The following INSR variants were observed in gnomAD, a reference collection of about 807,000 sequenced individuals.
INSR encodes the protein insulin receptor.
INSR carries 67 observed loss-of-function variants against 142.6 expected under a neutral mutation model. The ratio of observed to expected loss-of-function variants is 0.47; its 90% CI spans 0.39 to 0.58. The LOEUF (loss-of-function observed/expected upper bound fraction) is 0.58. Ranked by LOEUF, INSR falls within the 20% of genes least tolerant of loss-of-function variation. The pLI is 0.00. For synonymous variants in INSR, 756 were observed against 743.1 expected (o/e 1.02, Z -0.28); for missense variants, 1,248 against 1,833.2 (o/e 0.68, Z 5.83).
At chr19:7,161,110 G>T (rs889949814) in intron 9 of INSR, among the ~76,000 whole-genome samples, 2 of 149,014 alleles carry the variant, frequency 1.3e-5, no homozygotes, top group African/African-American at 4.9e-5. Context: ...GGTCTATTAA[G>T]TAAACAAGAT....
chr19:7,229,221 T>C (rs1670451912), intron 2 of INSR, among the ~76,000 whole-genome samples: 4 of 54,840 alleles, frequency 7.3e-5, no homozygotes, highest in African/African-American at 2.6e-4. Flanking sequence ...GGATGGATAA[T>C]AGATGGTGGG....
intron 13 of INSR, among the ~76,000 whole-genome samples, chr19:7,138,504 A>G (rs1156488219): frequency 1.4e-4 from 21 of 151,838 alleles, no homozygotes; most frequent in Admixed American, 1.3e-3. Flanking sequence ...TCCCAAGTAG[A>G]TGGGACTACA....
At chr19:7,252,467 G>A (rs1260072554) in intron 2 of INSR, among the ~76,000 whole-genome samples, 1 of 152,090 alleles carries the variant, frequency 6.6e-6, no homozygotes, top group Non-Finnish European at 1.5e-5. Flanking sequence ...CCGTCTGCTA[G>A]GTTAGTCAAT....
At chr19:7,214,548 G>T (rs1975372827) in intron 2 of INSR, among the ~76,000 whole-genome samples, 1 of 152,166 alleles carries the variant, frequency 6.6e-6, no homozygotes, top group Non-Finnish European at 1.5e-5. Flanking sequence ...CTGCTGGTGG[G>T]CTGGTTGTCC....
intron 1 of INSR, among the ~76,000 whole-genome samples, chr19:7,271,003 A>G (rs1257364621): frequency 6.6e-6 from 1 of 151,566 alleles, no homozygotes; most frequent in Non-Finnish European, 1.5e-5. Flanking sequence ...CGGAGCTTGC[A>G]GTGAGCCGAG....
intron 13 of INSR, among the ~76,000 whole-genome samples, chr19:7,139,178 G>A (rs1973008826): frequency 1.3e-5 from 2 of 152,212 alleles, no homozygotes; most frequent in Admixed American, 6.5e-5. Flanking sequence ...CCATGTGAAT[G>A]AGGCCATCCA....
In INSR at chr19:7,218,481, C is replaced by T. The variant is rs965114781; in HGVS notation, c.653-33844G>A. 7.2e-5 allele frequency among the ~76,000 whole-genome samples: 11 copies of T among 152,148 alleles called. No homozygotes were observed. In the South Asian group the frequency reaches 2.3e-3, roughly 32 times the overall value. ...ATTCTGCACACTGAACTTCTTGCCT[C>T]TTGTTTTTTGTTTTGTTGGTTTTTT... On this transcript the variant is annotated intron_variant, in intron 2 of 21. Transcript: ENST00000302850.
intron 2 of INSR, among the ~76,000 whole-genome samples, chr19:7,205,332 C>G (rs560879852): frequency 1.3e-5 from 2 of 152,320 alleles, no homozygotes; most frequent in Admixed American, 6.5e-5. Flanking sequence ...GGGGCTGAAA[C>G]GCCCGGGTTG....
intron 2 of INSR, among the ~76,000 whole-genome samples, chr19:7,218,337 G>A (rs1975499941): frequency 6.6e-6 from 1 of 152,030 alleles, no homozygotes; most frequent in African/African-American, 2.4e-5. Flanking sequence ...CCTCAGTACT[G>A]TGGTTGAATA....
At chr19:7,245,503 G>A (rs1251788258) in intron 2 of INSR, among the ~76,000 whole-genome samples, 5 of 152,060 alleles carry the variant, frequency 3.3e-5, no homozygotes. Context: ...AGACTCAAGT[G>A]CAGTGGCACA....
chr19:7,276,699 C>T (rs920701222), intron 1 of INSR, among the ~76,000 whole-genome samples: 9 of 151,972 alleles, frequency 5.9e-5, no homozygotes, highest in South Asian at 2.1e-4. Flanking sequence ...CCCCTCTGCA[C>T]GCCTTAGTTT....
rs1568480264 is a variant in INSR, at chr19:7,197,516, G to GTGGGTGTGT, written c.653-12880_653-12879insACACACCCA. On this transcript the variant is annotated intron_variant, in intron 2 of 21. Coordinates refer to ENST00000302850, the MANE Select transcript of INSR (RefSeq NM_000208.4). Reference sequence around the variant, plus strand: ...TGGCAGGTTCCAGAGTGGGAGTGGGGGTGTGTGTGTGTGTGTGTGTGTGTG... The same window carrying GTGGGTGTGT: ...TGGCAGGTTCCAGAGTGGGAGTGGGGTGGGTGTGTGTGTGTGTGTGTGTGTGTGTGTGTG... Among the ~76,000 whole-genome samples, 221 of 70,924 alleles carry GTGGGTGTGT rather than the reference G, an allele frequency of 3.1e-3. 12 individuals carry two copies. The highest frequency in any genetic ancestry group is 4.8e-3 in the Non-Finnish European group (170 of 35,634). The allele number at this position is 70,924 out of a possible 152,430, so 46.5% of individuals were successfully genotyped here. A position where few individuals can be genotyped will look rare whatever the true frequency, so the allele number is the denominator to read the frequency against.
chr19:7,141,892 A>G lies in INSR; in HGVS notation c.2543-76T>C, dbSNP rs1973078387. 9.9e-6 allele frequency: 12 copies of G among 1,215,680 alleles called. No homozygotes were observed. The South Asian group carries it at 1.5e-4, about 15-fold the overall frequency. 75.3% of individuals were successfully genotyped at this position (1,215,680 alleles called of 1,614,324 possible). A position where few individuals can be genotyped will look rare whatever the true frequency, so the allele number is the denominator to read the frequency against. ...CACTTCTGCCACCTGTCCATGGTGC[A>G]ACCTTGGGCTGGTGACGTCATTTTC... On this transcript the variant is annotated intron_variant, in intron 12 of 21. Coordinates refer to ENST00000302850, the MANE Select transcript of INSR (RefSeq NM_000208.4).
chr19:7,192,001 G>A lies in INSR; in HGVS notation c.653-7364C>T, dbSNP rs757066938. Reference sequence around the variant, plus strand: ...GAAGGAGGGAGGGAGGGGAGAGAGAGAGAAAGAAAGAAGAGGGAGAAAGAA... The same window carrying A: ...GAAGGAGGGAGGGAGGGGAGAGAGAAAGAAAGAAAGAAGAGGGAGAAAGAA... On this transcript the variant is annotated intron_variant, in intron 2 of 21. Coordinates refer to ENST00000302850, the MANE Select transcript of INSR (RefSeq NM_000208.4). The surrounding 1 kb of genome is among the most constrained non-coding windows in gnomAD (Gnocchi z 4.2). 6.8e-6 allele frequency among the ~76,000 whole-genome samples: 1 copy of A among 146,396 alleles called. No individual in the cohort carries two copies.
chr19:7,126,485 C>T, intron 16 of INSR, 99 bp downstream of exon 16: 5 of 1,113,652 alleles, frequency 4.5e-6, no homozygotes, highest in Non-Finnish European at 6.7e-6. Context: ...TTTTCTTGGC[C>T]TCCCTGGGGA....
Position 7,142,263 on chromosome 19 carries a change from G to A in INSR, c.2543-447C>T, listed in dbSNP as rs184246866. Reference sequence around the variant, plus strand: ...TGAAAATACAGGTGTGGTGGCACACGCATGTAGTCCCAGCTACTCAGGAGG... The same window carrying A: ...TGAAAATACAGGTGTGGTGGCACACACATGTAGTCCCAGCTACTCAGGAGG... On this transcript the variant is annotated intron_variant, in intron 12 of 21. Transcript: ENST00000302850. Among the ~76,000 whole-genome samples, 596 of 151,032 alleles carry A rather than the reference G, an allele frequency of 3.9e-3. 2 individuals are homozygous for A. The highest frequency in any genetic ancestry group is 3.7e-3 in the Non-Finnish European group (250 of 67,806).
intron 14 of INSR, among the ~76,000 whole-genome samples, chr19:7,129,600 C>T (rs1972729466): frequency 6.6e-6 from 1 of 152,238 alleles, no homozygotes; most frequent in Non-Finnish European, 1.5e-5. Flanking sequence ...ACTGGGATGA[C>T]AGGCGTGAGC....
intron 2 of INSR, among the ~76,000 whole-genome samples, chr19:7,237,750 A>G (rs1976207154): frequency 6.6e-6 from 1 of 152,086 alleles, no homozygotes; most frequent in Admixed American, 6.6e-5. Context: ...CGGGAGGTGG[A>G]GCTTACAGTG....
intron 1 of INSR, among the ~76,000 whole-genome samples, chr19:7,280,220 C>T (rs890731894): frequency 6.6e-6 from 1 of 151,274 alleles, no homozygotes; most frequent in Non-Finnish European, 1.5e-5. Context: ...GTCGAGACTG[C>T]GCCACTGCAC....
Sources: allele counts gnomAD v4.1 joint callset (sites outside exome capture counted in the v4.1 genomes callset), GRCh38; gene constraint gnomAD v4.1.1; non-coding constraint Gnocchi (gnomAD v3.1); transcripts MANE v1.5; gene names NCBI Gene and HGNC (gene_info 2026-07-23, HGNC 2026-07-21).